Variants in ARHGAP26 observed in about 807,000 individuals in gnomAD.
ARHGAP26 encodes the protein Rho GTPase activating protein 26.
ARHGAP26 carries 38 observed loss-of-function variants against 104.8 expected under a neutral mutation model. That is an observed-to-expected ratio of 0.36 (90% CI 0.28 to 0.48). ARHGAP26 has a LOEUF of 0.48. Among genes scored for constraint, ARHGAP26 ranks in the 20% least tolerant of loss-of-function variants. The pLI, the probability that ARHGAP26 is intolerant of heterozygous loss-of-function variation, is 0.99. For missense variants in ARHGAP26, 704 were observed against 947.9 expected, an observed-to-expected ratio of 0.74 and a Z score of 3.38; for synonymous variants, 341 against 340.0, an observed-to-expected ratio of 1.00 and a Z score of -0.03.
rs76889300 is a variant in ARHGAP26, at chr5:143,061,408, G to A, written c.1538+3661G>A. Among the ~76,000 whole-genome samples, 308 of 152,260 alleles carry A rather than the reference G, an allele frequency of 2.0e-3. 1 individual carries two copies. Among genetic ancestry groups the A allele is most frequent in the African/African-American group, 7.1e-3 (295 of 41,544 alleles). ...AGTGGCTCATTGTAGATTTATTACC[G>A]TGTATGCAGTGAGGAAGGATTTCAA... On this transcript the variant is annotated intron_variant, in intron 17 of 22. Coordinates refer to ENST00000645722, the MANE Select transcript of ARHGAP26 (RefSeq NM_001135608.3).
rs137897465 is a variant in ARHGAP26, at chr5:142,823,324, T to C, written c.155-50076T>C. Reference sequence around the variant, plus strand: ...TGGCTCCTGTAACATGATCAGTATATGCAGATTACAAATGTTGGCTACCCC... The same window carrying C: ...TGGCTCCTGTAACATGATCAGTATACGCAGATTACAAATGTTGGCTACCCC... On this transcript the variant is annotated intron_variant, in intron 1 of 22. Coordinates refer to ENST00000645722, the MANE Select transcript of ARHGAP26 (RefSeq NM_001135608.3). Among the ~76,000 whole-genome samples the C allele has an allele frequency of 1.7e-4, 26 of 152,338 alleles. No individual in the cohort carries two copies. In the East Asian group the frequency reaches 4.4e-3, roughly 26 times the overall value.
chr5:142,889,854 G>A (rs2152418142), intron 5 of ARHGAP26, among the ~76,000 whole-genome samples: 1 of 151,822 alleles, frequency 6.6e-6, no homozygotes, highest in Admixed American at 6.6e-5. Flanking sequence ...AAAATACAAG[G>A]CCTGGCGCGG....
At chr5:143,030,121 G>A (rs1035749332) in intron 12 of ARHGAP26, among the ~76,000 whole-genome samples, 11 of 152,148 alleles carry the variant, frequency 7.2e-5, no homozygotes, top group Admixed American at 5.9e-4. Context: ...AAATTTCTTG[G>A]TTTTCTGAAT....
At chr5:143,043,188 A>C (rs994575088) in intron 14 of ARHGAP26, among the ~76,000 whole-genome samples, 5 of 152,176 alleles carry the variant, frequency 3.3e-5, no homozygotes, top group Non-Finnish European at 7.3e-5. Flanking sequence ...ACAAGCACAT[A>C]CCTCACTTCC....
At chr5:143,020,040 GT>G (rs1269716899) in intron 12 of ARHGAP26, among the ~76,000 whole-genome samples, 4 of 152,252 alleles carry the variant, frequency 2.6e-5, no homozygotes, top group Admixed American at 1.3e-4. Context: ...CCATTTTGTA[GT>G]TCACTCCACT....
intron 5 of ARHGAP26, among the ~76,000 whole-genome samples, chr5:142,890,883 C>T (rs1230489404): frequency 6.6e-6 from 1 of 152,240 alleles, no homozygotes; most frequent in Non-Finnish European, 1.5e-5. Flanking sequence ...GACATTGTAG[C>T]ATTGGAGCTT....
rs774853526 is a variant in ARHGAP26 at position 142,770,887 on chromosome 5, C to T, written c.126C>T (p.Asp42=). Residue 42 remains aspartate (D), a synonymous_variant, in exon 1 of 23, where the codon GAC becomes GAT. Coordinates refer to ENST00000645722, the MANE Select transcript of ARHGAP26 (RefSeq NM_001135608.3). ...AATTCATCAAGGAGCTCATCAAGGA[C>T]GGGAAGTCACTCATAAGCGCGCTCA... is the stretch of plus-strand genomic sequence containing the variant. ...TNKFIKELIK[D]GKSLISALKN... 1 of 1,610,800 alleles carries T rather than the reference C, an allele frequency of 6.2e-7. No homozygotes were observed. The highest frequency in any genetic ancestry group is 1.7e-5 in the Admixed American group (1 of 59,780).
At position 142,891,668 on chromosome 5, in the gene ARHGAP26, C is replaced by T. The variant is rs189651091; in HGVS notation, c.487-2570C>T. Among the ~76,000 whole-genome samples, 17 of 151,952 alleles carry T rather than the reference C, an allele frequency of 1.1e-4. No individual in the cohort carries two copies. The East Asian group carries it at 2.7e-3, about 24-fold the overall frequency. Reference sequence around the variant, plus strand: ...AGTAGGGGTCTGTTCCAAGTTTCTTCTGTAGGAATGTTGACAAAGGAACAC... The same window carrying T: ...AGTAGGGGTCTGTTCCAAGTTTCTTTTGTAGGAATGTTGACAAAGGAACAC... On this transcript the variant is annotated intron_variant, in intron 5 of 22. Coordinates refer to ENST00000645722, the MANE Select transcript of ARHGAP26 (RefSeq NM_001135608.3).
chr5:142,846,313 G>T (rs143715353), intron 1 of ARHGAP26, among the ~76,000 whole-genome samples: 1 of 152,138 alleles, frequency 6.6e-6, no homozygotes. Flanking sequence ...GAGGGGTGCC[G>T]AGGTATATGT....
chr5:143,051,259 C>G (rs190558445), intron 14 of ARHGAP26, among the ~76,000 whole-genome samples: 114 of 152,304 alleles, frequency 7.5e-4, no homozygotes, highest in Admixed American at 2.3e-3. Context: ...TGGGACTGAT[C>G]CAAGTGTGAC....
At chr5:143,002,602 C>A (rs1777355238) in intron 11 of ARHGAP26, among the ~76,000 whole-genome samples, 1 of 152,190 alleles carries the variant, frequency 6.6e-6, no homozygotes, top group Admixed American at 6.5e-5. Flanking sequence ...TGGCCACATC[C>A]TACATACATG....
rs966607062 is a variant in ARHGAP26, at chr5:143,087,722, C to T, written c.1538+29975C>T. Among the ~76,000 whole-genome samples, 8 of 137,464 alleles carry T rather than the reference C, an allele frequency of 5.8e-5. No individual in the cohort carries two copies. In the East Asian group the frequency reaches 1.1e-3, roughly 19 times the overall value. The allele number at this position is 137,464 out of a possible 152,430, so 90.2% of individuals were successfully genotyped here. On this transcript the variant is annotated intron_variant, in intron 17 of 22. Coordinates refer to ENST00000645722, the MANE Select transcript of ARHGAP26 (RefSeq NM_001135608.3). ...GTGCAATGGTGCGATCTCGGCTCAC[C>T]GTCCACAACCTCCGCCTCCCAGGTT...
intron 20 of ARHGAP26, among the ~76,000 whole-genome samples, chr5:143,188,985 T>C (rs529254055): frequency 6.6e-6 from 1 of 152,222 alleles, no homozygotes; most frequent in African/African-American, 2.4e-5. Context: ...ACAAGCGACA[T>C]ACTCTTTTAA....
At chr5:143,147,526 C>T (rs1323922277) in intron 20 of ARHGAP26, 145 bp downstream of exon 20, 2 of 944,582 alleles carry the variant, frequency 2.1e-6, no homozygotes, top group Non-Finnish European at 3.1e-6. Context: ...GCTCAGCTGG[C>T]TTGTTGTGGG....
At chr5:143,170,997 G>A (rs1304123034) in intron 20 of ARHGAP26, among the ~76,000 whole-genome samples, 1 of 152,138 alleles carries the variant, frequency 6.6e-6, no homozygotes, top group South Asian at 2.1e-4. Context: ...TAAAAACAGA[G>A]GTCAGCGGGC....
chr5:143,210,526 A>T (rs556209634), intron 21 of ARHGAP26, among the ~76,000 whole-genome samples: 11 of 152,310 alleles, frequency 7.2e-5, no homozygotes, highest in African/African-American at 2.6e-4. Context: ...CTTTTGCAGC[A>T]CAGTAGAGAA....
chr5:142,858,818 T>C (rs985279486), intron 1 of ARHGAP26, among the ~76,000 whole-genome samples: 1 of 152,116 alleles, frequency 6.6e-6, no homozygotes, highest in African/African-American at 2.4e-5. Flanking sequence ...GGATAGGGAA[T>C]GCGAGGAGAC....
At chr5:143,051,753 T>C (rs2150228001) in intron 14 of ARHGAP26, among the ~76,000 whole-genome samples, 1 of 152,354 alleles carries the variant, frequency 6.6e-6, no homozygotes, top group Non-Finnish European at 1.5e-5. Context: ...AATATTCCTA[T>C]GGTTACAGAG....
chr5:143,177,347 G>A (rs1340202015), intron 20 of ARHGAP26, among the ~76,000 whole-genome samples: 3 of 152,116 alleles, frequency 2.0e-5, no homozygotes, highest in African/African-American at 7.2e-5. Context: ...GCTGCATCAC[G>A]AGCCTGTAGG....
Sources: allele counts gnomAD v4.1 joint callset (sites outside exome capture counted in the v4.1 genomes callset), GRCh38; gene constraint gnomAD v4.1.1; transcripts MANE v1.5; gene names NCBI Gene and HGNC (gene_info 2026-07-23, HGNC 2026-07-21).